Variants in EYS observed in about 807,000 individuals in gnomAD.
EYS encodes protein eyes shut homolog.
Under a neutral mutation model 282.1 loss-of-function variants are expected in EYS, and 250 were observed. The observed-to-expected ratio is 0.89, with a 90% CI of 0.80 to 0.98. The LOEUF (loss-of-function observed/expected upper bound fraction) is 0.98. Ranked by LOEUF, EYS falls within the 50% of genes least tolerant of loss-of-function variation. EYS has a pLI of 0.00. For synonymous variants in EYS, 1,355 were observed against 1,282.9 expected (o/e 1.06, Z -1.20); for missense variants, 4,016 against 3,709.0 (o/e 1.08, Z -2.15).
At chr6:65,620,000 T>C in intron 2 of EYS, among the ~76,000 whole-genome samples, 1 of 152,090 alleles carries the variant, frequency 6.6e-6, no homozygotes, top group East Asian at 1.9e-4. Context: ...ATCAAGGATA[T>C]TGGTCTAAAA....
chr6:64,551,536 C>CTTT (rs34550861), intron 26 of EYS, among the ~76,000 whole-genome samples: 2 of 131,806 alleles, frequency 1.5e-5, no homozygotes, highest in South Asian at 2.5e-4. Context: ...CAAGTGCATT[C>CTTT]TTTTTTTTTT....
At chr6:63,937,707 T>C (rs1765115440) in intron 35 of EYS, among the ~76,000 whole-genome samples, 1 of 151,958 alleles carries the variant, frequency 6.6e-6, no homozygotes, top group African/African-American at 2.4e-5. Flanking sequence ...GAAAGGAACA[T>C]AGTACAATTC....
chr6:65,424,917 C>A (rs9345624), intron 5 of EYS, among the ~76,000 whole-genome samples: 30,108 of 151,838 alleles, frequency 0.2, 3,742 homozygotes, highest in Non-Finnish European at 0.26. Flanking sequence ...GAAATTTACT[C>A]CGGGAAGGCA....
chr6:65,301,666 TCCCCA>T (rs1356726187), intron 11 of EYS, among the ~76,000 whole-genome samples: 2 of 152,172 alleles, frequency 1.3e-5, no homozygotes, highest in African/African-American at 4.8e-5. Context: ...CTACACCCAT[TCCCCA>T]CCCTCATTAC....
chr6:64,180,912 G>A (rs569954750), intron 31 of EYS, among the ~76,000 whole-genome samples: 23 of 152,134 alleles, frequency 1.5e-4, no homozygotes, highest in Non-Finnish European at 3.2e-4. Flanking sequence ...TGCCCAGGTA[G>A]AGAGCACAGT....
At position 65,048,170 on chromosome 6, in the gene EYS, G is replaced by T. The variant is rs73765736; in HGVS notation, c.2137+9444C>A. Among the ~76,000 whole-genome samples the T allele has an allele frequency of 6.5e-3, 985 of 151,836 alleles. 15 individuals carry two copies. The highest frequency in any genetic ancestry group is 0.022 in the African/African-American group (891 of 41,436). On this transcript the variant is annotated intron_variant, in intron 13 of 42. Transcript: ENST00000503581. Reference sequence around the variant, plus strand: ...TAAACAAATCTTGCTTTTGTCTCACGTTCCCCCTATTTAGCCTCGTTTCTC... The same window carrying T: ...TAAACAAATCTTGCTTTTGTCTCACTTTCCCCCTATTTAGCCTCGTTTCTC...
intron 28 of EYS, among the ~76,000 whole-genome samples, chr6:64,428,005 C>G (rs186217007): frequency 1.4e-4 from 22 of 152,186 alleles, no homozygotes; most frequent in Non-Finnish European, 2.6e-4. Context: ...ACTAATTACA[C>G]TATGGTGATC....
chr6:64,621,253 G>A (rs549346774), intron 23 of EYS, among the ~76,000 whole-genome samples: 84 of 152,080 alleles, frequency 5.5e-4, no homozygotes, highest in Non-Finnish European at 1.1e-3. Flanking sequence ...ATAATACTTT[G>A]AGTTTATGAA....
intron 31 of EYS, among the ~76,000 whole-genome samples, chr6:64,088,367 A>G (rs549092221): frequency 1.3e-5 from 2 of 152,230 alleles, no homozygotes; most frequent in South Asian, 4.1e-4. Flanking sequence ...ATTACTGGGT[A>G]CTGACTACAA....
chr6:64,694,846 C>T (rs904939341), intron 22 of EYS, among the ~76,000 whole-genome samples: 3 of 152,104 alleles, frequency 2.0e-5, no homozygotes, highest in Non-Finnish European at 2.9e-5. Flanking sequence ...GGTGCAGTTT[C>T]ACGGTCTGAA....
At chr6:64,310,030 A>G (rs1418134975) in intron 29 of EYS, among the ~76,000 whole-genome samples, 1 of 150,950 alleles carries the variant, frequency 6.6e-6, no homozygotes, top group South Asian at 2.1e-4. Context: ...ATACCATCTC[A>G]CACCAGTCCA....
At chr6:64,625,979 G>T (rs1375986482) in intron 23 of EYS, 142 bp downstream of exon 23, 2 of 534,270 alleles carry the variant, frequency 3.7e-6, no homozygotes, top group Non-Finnish European at 3.3e-6. Flanking sequence ...AATGATCATT[G>T]CTTAAAACTT....
intron 32 of EYS, among the ~76,000 whole-genome samples, chr6:64,073,415 GT>G (rs748706747): frequency 6.6e-6 from 1 of 151,654 alleles, no homozygotes; most frequent in Non-Finnish European, 1.5e-5. Context: ...AATTGACTTT[GT>G]ATCATGTAAC....
intron 11 of EYS, chr6:65,300,730 A>G (rs545202618): frequency 6.6e-6 from 1 of 152,042 alleles, no homozygotes; most frequent in Admixed American, 6.5e-5. Context: ...TTGTTTAAGA[A>G]CTCTCTAATT....
intron 14 of EYS, among the ~76,000 whole-genome samples, chr6:64,989,069 C>T (rs72875947): frequency 0.033 from 4,978 of 151,326 alleles, 117 homozygotes; most frequent in Non-Finnish European, 0.05. Flanking sequence ...ATAGATTCAA[C>T]ATAAAGTAAA....
intron 33 of EYS, among the ~76,000 whole-genome samples, chr6:64,035,048 G>A (rs1770045478): frequency 6.6e-6 from 1 of 152,116 alleles, no homozygotes; most frequent in African/African-American, 2.4e-5. Context: ...TGGGGTGGAG[G>A]CTACTGACAT....
intron 26 of EYS, among the ~76,000 whole-genome samples, chr6:64,516,570 T>C (rs998646609): frequency 2.0e-5 from 3 of 151,782 alleles, no homozygotes; most frequent in African/African-American, 7.2e-5. Context: ...TAAAATTACA[T>C]ACTTCACTTG....
At chr6:63,980,524 T>C (rs1767037414) in intron 35 of EYS, among the ~76,000 whole-genome samples, 1 of 151,906 alleles carries the variant, frequency 6.6e-6, no homozygotes, top group African/African-American at 2.4e-5. Flanking sequence ...CACTCTTTTA[T>C]TCTGAACATA....
intron 31 of EYS, among the ~76,000 whole-genome samples, chr6:64,179,871 TAAGCATATTCA>T: frequency 6.6e-6 from 1 of 152,222 alleles, no homozygotes; most frequent in East Asian, 1.9e-4. Flanking sequence ...GACAGTGAAT[TAAGCATATTCA>T]AAGAGGGAGC....
Sources: allele counts gnomAD v4.1 joint callset (sites outside exome capture counted in the v4.1 genomes callset), GRCh38; gene constraint gnomAD v4.1.1; transcripts MANE v1.5; gene names NCBI Gene and HGNC (gene_info 2026-07-23, HGNC 2026-07-21).